TBCD: variants seen among roughly 807,000 people sequenced by gnomAD.
TBCD encodes the protein tubulin-specific chaperone D.
A neutral mutation model predicts 169.3 loss-of-function variants in TBCD; 105 were observed. That is an observed-to-expected ratio of 0.62 (90% CI 0.53 to 0.73). The LOEUF (loss-of-function observed/expected upper bound fraction) is 0.73. TBCD is among the 30% of genes least tolerant of loss of function. The probability of loss-of-function intolerance (pLI) is 0.00; values close to 1 mark genes in which losing one functional copy is unlikely to be tolerated. For synonymous variants in TBCD, 700 were observed against 643.9 expected, an observed-to-expected ratio of 1.09 and a Z score of -1.32; for missense variants, 1,444 against 1,600.1, an observed-to-expected ratio of 0.90 and a Z score of 1.66.
chr17:82,827,622 A>G (rs2052979324), intron 13 of TBCD, among the ~76,000 whole-genome samples: 2 of 152,168 alleles, frequency 1.3e-5, no homozygotes. Context: ...ACACGTGTAC[A>G]TGTGCACACT....
intron 30 of TBCD, among the ~76,000 whole-genome samples, 169 bp from the exon 31 acceptor site, chr17:82,928,944 G>A (rs914585073): frequency 2.0e-5 from 3 of 152,148 alleles, no homozygotes; most frequent in Non-Finnish European, 2.9e-5. Flanking sequence ...TGGTTCTTCC[G>A]AGCCAGTGTC....
chr17:82,791,651 A>G (rs934184535), intron 7 of TBCD, among the ~76,000 whole-genome samples: 2 of 152,210 alleles, frequency 1.3e-5, no homozygotes, highest in Non-Finnish European at 2.9e-5. Flanking sequence ...GGAGTTGTTT[A>G]AGCTGGAATA....
intron 5 of TBCD, among the ~76,000 whole-genome samples, chr17:82,769,563 A>G (rs975585811): frequency 6.6e-6 from 1 of 152,186 alleles, no homozygotes; most frequent in Non-Finnish European, 1.5e-5. Context: ...ATCTTTAATC[A>G]CTTATGGATT....
chr17:82,910,908 C>T (rs188639224), intron 22 of TBCD, among the ~76,000 whole-genome samples: 7 of 152,314 alleles, frequency 4.6e-5, no homozygotes, highest in South Asian at 2.1e-4. Context: ...TAGTGAACCT[C>T]GTGCTGTTCT....
In TBCD at chr17:82,900,430, G is replaced by A. The variant is rs535393869; in HGVS notation, c.1650-221G>A. 6.0e-4 allele frequency: 289 copies of A among 482,014 alleles called. 1 individual carries two copies. The highest frequency in any genetic ancestry group is 2.2e-3 in the Middle Eastern group (4 of 1,830). 29.9% of individuals were successfully genotyped at this position (482,014 alleles called of 1,614,324 possible). A position where few individuals can be genotyped will look rare whatever the true frequency, so the allele number is the denominator to read the frequency against. On this transcript the variant is annotated intron_variant, in intron 17 of 38. Transcript: ENST00000355528. Reference sequence around the variant, plus strand: ...GATGTCAGGGTGGTTTCCAGATTTCGCCGTTACACATGAAGCTGTGTGCAC... The same window carrying A: ...GATGTCAGGGTGGTTTCCAGATTTCACCGTTACACATGAAGCTGTGTGCAC...
chr17:82,850,887 C>T (rs911573765), intron 13 of TBCD, among the ~76,000 whole-genome samples: 5 of 152,218 alleles, frequency 3.3e-5, no homozygotes, highest in Admixed American at 2.6e-4. Flanking sequence ...CAAAACACCT[C>T]CCAATTATTG....
At chr17:82,794,550 C>T (rs1217543132) in intron 7 of TBCD, among the ~76,000 whole-genome samples, 2 of 152,136 alleles carry the variant, frequency 1.3e-5, no homozygotes, top group African/African-American at 2.4e-5. Flanking sequence ...CATTTTATGG[C>T]CTAGCTTATG....
chr17:82,863,640 T>C (rs924822990), intron 13 of TBCD, among the ~76,000 whole-genome samples: 33 of 152,138 alleles, frequency 2.2e-4, no homozygotes, highest in African/African-American at 8.0e-4. Flanking sequence ...CTCCCAAAAC[T>C]CTGCTCATCA....
At chr17:82,855,361 C>G (rs1368430526) in intron 13 of TBCD, among the ~76,000 whole-genome samples, 1 of 146,692 alleles carries the variant, frequency 6.8e-6, no homozygotes, top group African/African-American at 2.5e-5. Flanking sequence ...GCCTCCTGGA[C>G]TAAAGCGATC....
intron 13 of TBCD, among the ~76,000 whole-genome samples, chr17:82,815,411 CGTG>C (rs2051806333): frequency 6.6e-6 from 1 of 152,174 alleles, no homozygotes; most frequent in Non-Finnish European, 1.5e-5. Context: ...CCTGGAGTGA[CGTG>C]GTGCTCCCTG....
At chr17:82,855,246 TTTTTTTTTTTTTTTTTTTTTTTTTTAA>T (rs1392505993) in intron 13 of TBCD, among the ~76,000 whole-genome samples, 1 of 49,996 alleles carries the variant, frequency 2.0e-5, no homozygotes, top group Non-Finnish European at 4.1e-5. Flanking sequence ...TTTTTTTTTT[TTTTTTTTTTTTTTTTTTTTTTTTTTAA>T]TTTTTTAGAG....
Position 82,889,886 on chromosome 17 carries a change from A to G in TBCD, c.1563+189A>G, listed in dbSNP as rs1392925277. Among the ~76,000 whole-genome samples the G allele has an allele frequency of 6.6e-6, 1 of 152,236 alleles. No homozygotes were observed. Among genetic ancestry groups the G allele is most frequent in the East Asian group, 1.9e-4 (1 of 5,196 alleles). Reference sequence around the variant, plus strand: ...GAGTCCTGTTTCACAGGGAACCTGCATGTACAGTAATTTACACACACAGGC... The same window carrying G: ...GAGTCCTGTTTCACAGGGAACCTGCGTGTACAGTAATTTACACACACAGGC... On this transcript the variant is annotated intron_variant, in intron 16 of 38. Coordinates refer to ENST00000355528, the MANE Select transcript of TBCD (RefSeq NM_005993.5). This position sits in a 1 kb window ranked among gnomAD's most constrained non-coding sequence, Gnocchi z 5.3.
At chr17:82,900,966 C>T (rs1483229255) in intron 18 of TBCD, among the ~76,000 whole-genome samples, 1 of 152,226 alleles carries the variant, frequency 6.6e-6, no homozygotes, top group East Asian at 1.9e-4. Context: ...TGTACCCGTG[C>T]AAATGTCCAC....
intron 21 of TBCD, chr17:82,908,196 G>A (rs1184114311): frequency 1.7e-5 from 7 of 406,234 alleles, no homozygotes; most frequent in South Asian, 3.6e-5. Context: ...GCGGTCCCAC[G>A]ATGGAGCGTG....
rs762012245 is a variant in TBCD, at chr17:82,832,317, A to G, written c.1318+17383A>G. ...AAGTAATCGAGTTTTTACAAAGACCATACTTCATGTGATTAAAAAGATGTG... is the reference window on the plus strand; with the variant it reads ...AAGTAATCGAGTTTTTACAAAGACCGTACTTCATGTGATTAAAAAGATGTG... On this transcript the variant is annotated intron_variant, in intron 13 of 38. Transcript: ENST00000355528. This position sits in a 1 kb window ranked among gnomAD's most constrained non-coding sequence, Gnocchi z 4.9. 2 of 1,614,134 alleles carry G rather than the reference A, an allele frequency of 1.2e-6. No homozygotes were observed. The highest frequency in any genetic ancestry group is 1.1e-5 in the South Asian group (1 of 91,094).
chr17:82,852,000 A>T (rs1015663016), intron 13 of TBCD, among the ~76,000 whole-genome samples: 1 of 152,096 alleles, frequency 6.6e-6, no homozygotes, highest in African/African-American at 2.4e-5. Context: ...TTTTGTTGAG[A>T]CGCAATTCAC....
chr17:82,757,612 A>C (rs1173769201), intron 2 of TBCD, among the ~76,000 whole-genome samples: 2 of 148,476 alleles, frequency 1.3e-5, no homozygotes, highest in African/African-American at 2.5e-5. Flanking sequence ...ACAGAGTGAG[A>C]CTTCATCTCA....
chr17:82,917,841 T>G (rs1196795017), intron 23 of TBCD, among the ~76,000 whole-genome samples: 2 of 152,200 alleles, frequency 1.3e-5, no homozygotes, highest in Non-Finnish European at 1.5e-5. Flanking sequence ...TTCTGGTTCT[T>G]GTGGCGCCCC....
intron 26 of TBCD, 110 bp from the exon 27 acceptor site, chr17:82,924,829 G>A: frequency 2.5e-6 from 2 of 810,698 alleles, no homozygotes; most frequent in Non-Finnish European, 3.9e-6. Context: ...ACCTCAGGCG[G>A]CTCCTCCTTT....
Sources: allele counts gnomAD v4.1 joint callset (sites outside exome capture counted in the v4.1 genomes callset), GRCh38; gene constraint gnomAD v4.1.1; non-coding constraint Gnocchi (gnomAD v3.1); transcripts MANE v1.5; gene names NCBI Gene and HGNC (gene_info 2026-07-23, HGNC 2026-07-21).